Variants in ZNF696 observed in about 807,000 individuals in gnomAD.
ZNF696 encodes zinc finger protein 696.
In ZNF696, 10 loss-of-function variants were observed where a neutral mutation model predicts 12.3. That is an observed-to-expected ratio of 0.81 (90% confidence interval 0.50 to 1.38). The LOEUF is 1.38. Among genes scored for constraint, ZNF696 ranks in the 40% most tolerant of loss-of-function variants. The pLI, the probability that ZNF696 is intolerant of heterozygous loss-of-function variation, is 0.00. For synonymous variants in ZNF696, 304 were observed against 243.9 expected, an observed-to-expected ratio of 1.25 and a Z score of -2.29; for missense variants, 675 against 554.7, an observed-to-expected ratio of 1.22 and a Z score of -2.18.
intron 2 of ZNF696, 151 bp from the exon 3 acceptor site, chr8:143,295,589 C>A (rs1815694302): frequency 3.4e-6 from 3 of 884,512 alleles, no homozygotes; most frequent in Non-Finnish European, 5.1e-6. Flanking sequence ...CTAAAAAAAA[C>A]GAGGCGGGAA....
At position 143,296,738 on chromosome 8, in the gene ZNF696, G is replaced by T; in HGVS notation, c.1063G>T (p.Gly355Cys). The part of the protein sequence containing the change: ...GEKPFRCTEC[G>C]RAFRLSFHLI... Reference sequence around the variant, plus strand: ...GAAGCCGTTCCGCTGCACCGAGTGCGGCCGCGCCTTCCGCCTGAGCTTCCA... The same window carrying T: ...GAAGCCGTTCCGCTGCACCGAGTGCTGCCGCGCCTTCCGCCTGAGCTTCCA... Residue 355 changes from glycine (G) to cysteine (C), a missense_variant, in exon 3 of 3, where the codon GGC becomes TGC. Coordinates refer to ENST00000330143, the MANE Select transcript of ZNF696 (RefSeq NM_030895.3). 6.6e-7 allele frequency: 1 copy of T among 1,505,600 alleles called. No homozygotes were observed. The allele number at this position is 1,505,600 out of a possible 1,614,324, so 93.3% of individuals were successfully genotyped here. A position where few individuals can be genotyped will look rare whatever the true frequency, so the allele number is the denominator to read the frequency against.
rs1390038694 is a variant in ZNF696, at chr8:143,296,773, G to GC, written c.1099dup (p.His367ProfsTer133). ...TCCGCCTGAGCTTCCACCTCATCCA[G>GC]CACCGGCGGGTGCATGGCGCCGAGT... On this transcript the variant is annotated frameshift_variant, in exon 3 of 3. Transcript: ENST00000330143. LOFTEE classifies it high-confidence loss of function. 40 of 1,437,346 alleles carry GC rather than the reference G, an allele frequency of 2.8e-5. No individual in the cohort carries two copies. Among genetic ancestry groups the GC allele is most frequent in the Non-Finnish European group, 3.4e-5 (38 of 1,103,622 alleles). The allele number at this position is 1,437,346 out of a possible 1,614,324, so 89.0% of individuals were successfully genotyped here.
At chr8:143,293,204 CGCA>C in intron 2 of ZNF696, 139 bp downstream of exon 2, 1 of 677,114 alleles carries the variant, frequency 1.5e-6, no homozygotes, top group South Asian at 1.8e-5. Flanking sequence ...GGGAGGTAAA[CGCA>C]GGCCCATCAG....
chr8:143,294,609 G>A (rs1187450082), intron 2 of ZNF696, among the ~76,000 whole-genome samples: 3 of 152,038 alleles, frequency 2.0e-5, no homozygotes, highest in Non-Finnish European at 2.9e-5. Context: ...CTCGTGAACT[G>A]CCCACCTCAG....
chr8:143,294,971 T>TG (rs914784823), intron 2 of ZNF696, among the ~76,000 whole-genome samples: 4 of 151,816 alleles, frequency 2.6e-5, no homozygotes, highest in African/African-American at 9.7e-5. Flanking sequence ...CACCTGGAGG[T>TG]GCGCCACCTA....
Position 143,295,982 on chromosome 8 carries a change from G to A in ZNF696, c.307G>A (p.Glu103Lys), listed in dbSNP as rs745462873. The A allele has an allele frequency of 1.3e-6, 2 of 1,587,502 alleles. No homozygotes were observed. The highest frequency in any genetic ancestry group is 1.7e-6 in the Non-Finnish European group (2 of 1,166,494). ...SEKTGGQSGL[E>K]SDVPPNAGPG... Reference sequence around the variant, plus strand: ...GAAAACTGGAGGACAGAGTGGCCTCGAGTCAGACGTCCCTCCGAACGCAGG... The same window carrying A: ...GAAAACTGGAGGACAGAGTGGCCTCAAGTCAGACGTCCCTCCGAACGCAGG... Residue 103 changes from glutamate to lysine, a missense_variant, in exon 3 of 3, where the codon GAG becomes AAG. Physicochemically the swap from Glu to Lys is moderately conservative, Grantham distance 56. Coordinates refer to ENST00000330143, the MANE Select transcript of ZNF696 (RefSeq NM_030895.3).
chr8:143,296,904 C>A lies in ZNF696; in HGVS notation c.*104C>A. The A allele has an allele frequency of 8.9e-7, 1 of 1,120,070 alleles. No individual in the cohort carries two copies. The highest frequency in any genetic ancestry group is 1.2e-6 in the Non-Finnish European group (1 of 853,666). The allele number at this position is 1,120,070 out of a possible 1,614,324, so 69.4% of individuals were successfully genotyped here. A position where few individuals can be genotyped will look rare whatever the true frequency, so the allele number is the denominator to read the frequency against. ...TGCGCGGTGAGGAAGTAACAGCCGG[C>A]TGCGCGCCTGGTTCTCGGGTTGCGA... On this transcript the variant is annotated 3_prime_UTR_variant, in exon 3 of 3. Coordinates refer to ENST00000330143, the MANE Select transcript of ZNF696 (RefSeq NM_030895.3).
chr8:143,292,624 A>G (rs1226688436), intron 1 of ZNF696, among the ~76,000 whole-genome samples: 1 of 152,200 alleles, frequency 6.6e-6, no homozygotes, highest in Non-Finnish European at 1.5e-5. Flanking sequence ...ACCCATGGGA[A>G]TTTCTCTAGA....
Position 143,295,724 on chromosome 8 carries a change from C to G in ZNF696, c.65-16C>G. ...CTCTTACATCTAAAATCGTTCCTGT[C>G]TGGCCTCTTTTTCAGCTGTGAAGGC... On this transcript the variant is annotated splice_polypyrimidine_tract_variant and intron_variant, in intron 2 of 2. Transcript: ENST00000330143. 1 of 1,557,372 alleles carries G rather than the reference C, an allele frequency of 6.4e-7. No individual in the cohort carries two copies. The highest frequency in any genetic ancestry group is 1.2e-5 in the South Asian group (1 of 83,542).
intron 2 of ZNF696, among the ~76,000 whole-genome samples, chr8:143,294,411 A>G (rs1419734824): frequency 6.7e-6 from 1 of 149,984 alleles, no homozygotes; most frequent in Admixed American, 6.6e-5. Context: ...TTTTAAGACA[A>G]AGTCTTGCTC....
rs745876743 is a variant in ZNF696 at position 143,296,436 on chromosome 8, G to A, written c.761G>A (p.Arg254Gln). ...TTCCTGCACAGCTCGAACGTGGTCCGGCACCGGCGGACCCACCACGGGGAG... is the reference window on the plus strand; with the variant it reads ...TTCCTGCACAGCTCGAACGTGGTCCAGCACCGGCGGACCCACCACGGGGAG... ...KRFLHSSNVV[R>Q]HRRTHHGENP... The change falls in exon 3 of 3, where the codon CGG becomes CAG. Residue 254 changes from arginine (R) to glutamine (Q), a missense_variant. Coordinates refer to ENST00000330143, the MANE Select transcript of ZNF696 (RefSeq NM_030895.3). 2 of 1,605,844 alleles carry A rather than the reference G, an allele frequency of 1.2e-6. No individual in the cohort carries two copies. The highest frequency in any genetic ancestry group is 1.7e-5 in the Admixed American group (1 of 59,702).
Position 143,296,457 on chromosome 8 carries a change from G to A in ZNF696, c.782G>A (p.Gly261Glu), listed in dbSNP as rs1586738513. Residue 261 changes from glycine to glutamate, a missense_variant, in exon 3 of 3, where the codon GGG becomes GAG. Gly to Glu is a moderately conservative substitution (Grantham distance 98). Transcript: ENST00000330143. ...NVVRHRRTHH[G>E]ENPYECRECG... The stretch of plus-strand genomic sequence containing the variant: ...GTCCGGCACCGGCGGACCCACCACG[G>A]GGAGAACCCGTACGAGTGCCGGGAG... 6.2e-7 allele frequency: 1 copy of A among 1,607,946 alleles called. No homozygotes were observed. The highest frequency in any genetic ancestry group is 8.5e-7 in the Non-Finnish European group (1 of 1,178,850).
At position 143,296,409 on chromosome 8, in the gene ZNF696, G is replaced by GC; in HGVS notation, c.735dup (p.Phe246LeufsTer254). The GC allele has an allele frequency of 5.0e-6, 8 of 1,584,606 alleles. No individual in the cohort carries two copies. The highest frequency in any genetic ancestry group is 6.8e-6 in the Non-Finnish European group (8 of 1,169,970). On this transcript the variant is annotated frameshift_variant, in exon 3 of 3. Coordinates refer to ENST00000330143, the MANE Select transcript of ZNF696 (RefSeq NM_030895.3). LOFTEE classifies it high-confidence loss of function. ...TACGCGTGCGGCGAGTGCGGGAAGC[G>GC]CTTCCTGCACAGCTCGAACGTGGTC...
intron 1 of ZNF696, among the ~76,000 whole-genome samples, 162 bp downstream of exon 1, chr8:143,291,929 G>A (rs1434302337): frequency 1.3e-5 from 2 of 151,706 alleles, no homozygotes; most frequent in South Asian, 4.2e-4. Flanking sequence ...GATTACAGGC[G>A]GCTTAAATTA....
rs780846059 is a variant in ZNF696 at position 143,296,435 on chromosome 8, C to T, written c.760C>T (p.Arg254Trp). The T allele has an allele frequency of 4.2e-5, 67 of 1,605,244 alleles. No individual in the cohort carries two copies. Among genetic ancestry groups the T allele is most frequent in the Non-Finnish European group, 4.8e-5 (56 of 1,177,912 alleles). The change falls in exon 3 of 3, where the codon CGG becomes TGG. Residue 254 changes from arginine to tryptophan, a missense_variant. Physicochemically the swap from Arg to Trp is moderately radical, Grantham distance 101. Transcript: ENST00000330143. ...KRFLHSSNVV[R>W]HRRTHHGENP... ...CTTCCTGCACAGCTCGAACGTGGTCCGGCACCGGCGGACCCACCACGGGGA... is the reference window on the plus strand; with the variant it reads ...CTTCCTGCACAGCTCGAACGTGGTCTGGCACCGGCGGACCCACCACGGGGA...
At position 143,295,917 on chromosome 8, in the gene ZNF696, A is replaced by G. The variant is rs1355151829; in HGVS notation, c.242A>G (p.Glu81Gly). ...CTTTGTGAAAACCAGGAAGCCAGAG[A>G]GAGGCCCGGAGGTTCCCCTCGAGGC... ...LGLCENQEAR[E>G]RPGGSPRGPV... The change falls in exon 3 of 3, where the codon GAG (glutamate) becomes GGG (glycine). Residue 81 changes from glutamate (E) to glycine (G), a missense_variant. By Grantham distance (98) the Glu-to-Gly change is moderately conservative. Coordinates refer to ENST00000330143, the MANE Select transcript of ZNF696 (RefSeq NM_030895.3). The G allele has an allele frequency of 1.2e-5, 18 of 1,561,398 alleles. No individual in the cohort carries two copies. The highest frequency in any genetic ancestry group is 1.5e-5 in the Non-Finnish European group (17 of 1,152,602).
In ZNF696 at chr8:143,295,921, G is replaced by A. The variant is rs1563744642; in HGVS notation, c.246G>A (p.Arg82=). Residue 82 remains arginine (R), a synonymous_variant, in exon 3 of 3, where the codon AGG becomes AGA. Transcript: ENST00000330143. ...GLCENQEARE[R]PGGSPRGPVT... ...GTGAAAACCAGGAAGCCAGAGAGAG[G>A]CCCGGAGGTTCCCCTCGAGGCCCGG... The A allele has an allele frequency of 6.4e-7, 1 of 1,562,090 alleles. No homozygotes were observed. The highest frequency in any genetic ancestry group is 1.2e-5 in the South Asian group (1 of 85,780).
intron 1 of ZNF696, 34 bp downstream of exon 1, chr8:143,291,801 A>C: frequency 1.0e-6 from 1 of 985,380 alleles, no homozygotes; most frequent in Non-Finnish European, 1.2e-6. Flanking sequence ...TTCCAGACTA[A>C]AAAATTGCAC....
chr8:143,296,091 A>G lies in ZNF696; in HGVS notation c.416A>G (p.Asp139Gly), dbSNP rs1385093890. 3 of 1,604,118 alleles carry G rather than the reference A, an allele frequency of 1.9e-6. No homozygotes were observed. The highest frequency in any genetic ancestry group is 4.5e-5 in the East Asian group (2 of 44,586). The change falls in exon 3 of 3, where the codon GAC (aspartate) becomes GGC (glycine). Residue 139 changes from aspartate to glycine, a missense_variant. Coordinates refer to ENST00000330143, the MANE Select transcript of ZNF696 (RefSeq NM_030895.3). ...GGCCGCAGCTTCAAGTGCTCCTCGG[A>G]CGCGGCAAAGCACCGGAGCATCCAC... The part of the protein sequence containing the change: ...ACGRSFKCSS[D>G]AAKHRSIHSG...
Sources: gnomAD v4.1 joint callset for allele counts (sites outside exome capture counted in the v4.1 genomes callset) on GRCh38, gnomAD v4.1.1 for gene constraint, MANE v1.5 for transcripts, NCBI Gene and HGNC (gene_info 2026-07-23, HGNC 2026-07-21) for gene names.